The following MAP4K3 variants were observed in gnomAD, a reference collection of about 807,000 sequenced individuals.
MAP4K3 encodes the protein mitogen-activated protein kinase kinase kinase kinase 3.
Under a neutral mutation model 143.5 loss-of-function variants are expected in MAP4K3, and 94 were observed. That is an observed-to-expected ratio of 0.65 (90% confidence interval 0.55 to 0.78). The LOEUF is 0.78. Ranked by LOEUF, MAP4K3 falls within the 30% of genes least tolerant of loss-of-function variation. The pLI, the probability that MAP4K3 is intolerant of heterozygous loss-of-function variation, is 0.00. For synonymous variants in MAP4K3, 416 were observed against 347.2 expected, an observed-to-expected ratio of 1.20 and a Z score of -2.20; for missense variants, 1,077 against 1,068.1, an observed-to-expected ratio of 1.01 and a Z score of -0.12.
chr2:39,266,045 T>C (rs948725615), intron 27 of MAP4K3, among the ~76,000 whole-genome samples: 2 of 152,150 alleles, frequency 1.3e-5, no homozygotes, highest in Non-Finnish European at 2.9e-5. Flanking sequence ...ACAGCAAAAC[T>C]GTCCCGCCAA....
At chr2:39,305,373 G>A (rs1558635606) in intron 15 of MAP4K3, among the ~76,000 whole-genome samples, 1 of 152,116 alleles carries the variant, frequency 6.6e-6, no homozygotes, top group Admixed American at 6.6e-5. Flanking sequence ...TTGAATTCCT[G>A]AGCTAGGCTG....
At chr2:39,345,380 A>G (rs1665258481) in intron 3 of MAP4K3, among the ~76,000 whole-genome samples, 1 of 152,104 alleles carries the variant, frequency 6.6e-6, no homozygotes, top group Non-Finnish European at 1.5e-5. Flanking sequence ...TAGTGCTACC[A>G]CACTCTGGCC....
At chr2:39,281,142 A>G (rs1040409335) in intron 22 of MAP4K3, among the ~76,000 whole-genome samples, 6 of 152,178 alleles carry the variant, frequency 3.9e-5, no homozygotes, top group African/African-American at 1.4e-4. Flanking sequence ...CAGTACAAAA[A>G]TATTTTTGGT....
At chr2:39,339,689 G>A (rs1262225840) in intron 4 of MAP4K3, among the ~76,000 whole-genome samples, 1 of 152,128 alleles carries the variant, frequency 6.6e-6, no homozygotes, top group Non-Finnish European at 1.5e-5. Context: ...GATTTTGGCT[G>A]TCATAGGGAT....
chr2:39,270,485 T>C (rs1165872909), intron 26 of MAP4K3, among the ~76,000 whole-genome samples: 4 of 152,212 alleles, frequency 2.6e-5, no homozygotes. Flanking sequence ...AAAAGGTCTA[T>C]TTCTTGAGAG....
intron 12 of MAP4K3, among the ~76,000 whole-genome samples, chr2:39,317,367 T>C (rs1193718820): frequency 6.6e-6 from 1 of 152,006 alleles, no homozygotes; most frequent in Non-Finnish European, 1.5e-5. Flanking sequence ...GATTTCATGA[T>C]GAAGATGCCA....
intron 2 of MAP4K3, among the ~76,000 whole-genome samples, chr2:39,374,468 G>C (rs1666166546): frequency 6.6e-6 from 1 of 151,936 alleles, no homozygotes; most frequent in African/African-American, 2.4e-5. Flanking sequence ...GATCACCTGA[G>C]GTCAGGAATT....
At chr2:39,280,462 AC>A (rs1681467043) in intron 22 of MAP4K3, 106 bp from the exon 23 acceptor site, 1 of 481,758 alleles carries the variant, frequency 2.1e-6, no homozygotes, top group African/African-American at 2.0e-5. Flanking sequence ...TAGATAGTAT[AC>A]TGAAATTATG....
intron 13 of MAP4K3, among the ~76,000 whole-genome samples, chr2:39,312,696 G>A (rs1475705324): frequency 1.3e-5 from 2 of 152,192 alleles, no homozygotes; most frequent in East Asian, 3.8e-4. Context: ...TTAAGAATGA[G>A]TCCATCCTAA....
At chr2:39,293,587 A>G (rs1325753539) in intron 16 of MAP4K3, among the ~76,000 whole-genome samples, 3 of 152,196 alleles carry the variant, frequency 2.0e-5, no homozygotes, top group Non-Finnish European at 4.4e-5. Context: ...TGACAAAACA[A>G]TAATTGCAGG....
intron 3 of MAP4K3, among the ~76,000 whole-genome samples, chr2:39,345,948 A>AAAAAG (rs1665279120): frequency 1.3e-5 from 2 of 150,250 alleles, no homozygotes; most frequent in African/African-American, 4.9e-5. Flanking sequence ...AAAAAAAAAA[A>AAAAAG]GAGTGAAGCC....
chr2:39,371,897 T>C (rs1307781496), intron 2 of MAP4K3, among the ~76,000 whole-genome samples: 1 of 150,280 alleles, frequency 6.7e-6, no homozygotes, highest in African/African-American at 2.4e-5. Flanking sequence ...CCTTTATACA[T>C]ATAATATATA....
chr2:39,306,262 T>C (rs1468043333), intron 15 of MAP4K3, among the ~76,000 whole-genome samples: 1 of 152,268 alleles, frequency 6.6e-6, no homozygotes, highest in Non-Finnish European at 1.5e-5. Flanking sequence ...ATTTCACTAA[T>C]TGTCATTCTA....
intron 1 of MAP4K3, among the ~76,000 whole-genome samples, chr2:39,401,180 G>A (rs944131069): frequency 1.4e-4 from 22 of 152,232 alleles, no homozygotes; most frequent in African/African-American, 4.8e-4. Flanking sequence ...TCGTAGGACA[G>A]AGTACCAAAA....
chr2:39,276,528 G>A (rs993541636), intron 24 of MAP4K3, among the ~76,000 whole-genome samples: 8 of 152,138 alleles, frequency 5.3e-5, no homozygotes, highest in African/African-American at 1.4e-4. Context: ...GGTTCATATC[G>A]CAGTCCAGCC....
rs1666179816 is a variant in MAP4K3 at position 39,375,012 on chromosome 2, A to G, written c.154+3054T>C. Among the ~76,000 whole-genome samples, 4 of 152,178 alleles carry G rather than the reference A, an allele frequency of 2.6e-5. No individual in the cohort carries two copies. In the South Asian group the frequency reaches 8.3e-4, roughly 32 times the overall value. On this transcript the variant is annotated intron_variant, in intron 2 of 33. Transcript: ENST00000263881. ...CATAGTGGCTCATGCTTGTAATCCT[A>G]GCAGTTTGGAAGGCCGAGGTGAGAG...
At chr2:39,267,389 A>G (rs1162497226) in intron 26 of MAP4K3, 142 bp from the exon 27 acceptor site, 6 of 656,212 alleles carry the variant, frequency 9.1e-6, no homozygotes, top group African/African-American at 1.8e-5. Flanking sequence ...TAGAATAAAA[A>G]GGCCGGGTGC....
At chr2:39,328,861 CAT>C (rs1230773903) in intron 8 of MAP4K3, among the ~76,000 whole-genome samples, 3 of 152,158 alleles carry the variant, frequency 2.0e-5, no homozygotes, top group African/African-American at 7.2e-5. Flanking sequence ...AATAAATGTA[CAT>C]ATATGTCTTA....
At chr2:39,378,506 G>C in intron 1 of MAP4K3, among the ~76,000 whole-genome samples, 1 of 152,158 alleles carries the variant, frequency 6.6e-6, no homozygotes, top group East Asian at 1.9e-4. Flanking sequence ...CATACAGCCA[G>C]TGAGTCGACA....
Sources: gnomAD v4.1 joint callset for allele counts (sites outside exome capture counted in the v4.1 genomes callset) on GRCh38, gnomAD v4.1.1 for gene constraint, MANE v1.5 for transcripts, NCBI Gene and HGNC (gene_info 2026-07-23, HGNC 2026-07-21) for gene names.